Variants in BNC2 observed in about 807,000 individuals in gnomAD.
BNC2 encodes the protein zinc finger protein basonuclin-2.
BNC2 carries 20 observed loss-of-function variants against 76.3 expected under a neutral mutation model. The observed-to-expected ratio is 0.26, with a 90% CI of 0.18 to 0.38. BNC2 has a LOEUF of 0.38. Among genes scored for constraint, BNC2 ranks in the 10% least tolerant of loss-of-function variants. BNC2 has a pLI of 1.00. For missense variants in BNC2, 1,382 were observed against 1,399.8 expected (o/e 0.99, Z 0.20); for synonymous variants, 582 against 514.8 (o/e 1.13, Z -1.77).
chr9:16,614,053 T>A (rs553264241), intron 3 of BNC2, among the ~76,000 whole-genome samples: 50 of 152,262 alleles, frequency 3.3e-4, no homozygotes, highest in Middle Eastern at 3.4e-3. Context: ...GAAACAAGGC[T>A]CAAAACCAAA....
intron 1 of BNC2, chr9:16,832,444 C>T: frequency 1.6e-5 from 4 of 255,140 alleles, no homozygotes; most frequent in Non-Finnish European, 2.5e-5. Context: ...ACTTGATCTG[C>T]TTACTATCAT....
chr9:16,668,162 AGGAGACCTCACTG>A (rs574617584), intron 3 of BNC2, among the ~76,000 whole-genome samples: 15 of 152,300 alleles, frequency 9.8e-5, no homozygotes, highest in African/African-American at 2.2e-4. Context: ...TTCTAAAGGA[AGGAGACCTCACTG>A]GGAGACCTCA....
intron 5 of BNC2, among the ~76,000 whole-genome samples, chr9:16,504,346 T>A (rs1259845376): frequency 1.4e-5 from 2 of 141,596 alleles, no homozygotes; most frequent in African/African-American, 2.9e-5. Context: ...AATACATGTA[T>A]TCCAGAATCC....
chr9:16,456,368 G>C (rs1434315285), intron 5 of BNC2, among the ~76,000 whole-genome samples: 2 of 151,784 alleles, frequency 1.3e-5, no homozygotes, highest in Non-Finnish European at 2.9e-5. Context: ...TACCCCACTA[G>C]ATCAAAAAGG....
At chr9:16,569,203 C>A (rs115324989) in intron 4 of BNC2, among the ~76,000 whole-genome samples, 101 of 151,694 alleles carry the variant, frequency 6.7e-4, no homozygotes, top group African/African-American at 2.3e-3. Context: ...ATTACTATAC[C>A]TTATATACAT....
At chr9:16,740,578 C>G (rs1824815401) in intron 1 of BNC2, among the ~76,000 whole-genome samples, 1 of 152,092 alleles carries the variant, frequency 6.6e-6, no homozygotes, top group Non-Finnish European at 1.5e-5. Context: ...GACAAAGAAG[C>G]AGAAAAGATA....
At chr9:16,652,481 A>G (rs2133960766) in intron 3 of BNC2, among the ~76,000 whole-genome samples, 1 of 147,488 alleles carries the variant, frequency 6.8e-6, no homozygotes, top group East Asian at 1.9e-4. Flanking sequence ...TGTTATTTTT[A>G]TCTTCAGTGG....
At chr9:16,505,666 C>G (rs1822608554) in intron 5 of BNC2, among the ~76,000 whole-genome samples, 1 of 151,988 alleles carries the variant, frequency 6.6e-6, no homozygotes, top group South Asian at 2.1e-4. Context: ...AAAAGAGAAT[C>G]AGAAAGATTC....
rs192059497 is a variant in BNC2 at position 16,818,683 on chromosome 9, C to A, written c.3+51963G>T. 6.3e-4 allele frequency among the ~76,000 whole-genome samples: 95 copies of A among 151,812 alleles called. 1 individual carries two copies. The highest frequency in any genetic ancestry group is 2.2e-3 in the African/African-American group (89 of 41,146). ...TCTATGAATTTTAATGGAGAAGAGT[C>A]TGAACTAGTTTTTACTGTTGTTGTT... On this transcript the variant is annotated intron_variant, in intron 1 of 6. Transcript: ENST00000380672.
At chr9:16,561,431 A>G (rs1819011974) in intron 4 of BNC2, among the ~76,000 whole-genome samples, 1 of 152,184 alleles carries the variant, frequency 6.6e-6, no homozygotes. Context: ...ACTTCTCAGT[A>G]GAGTATGCCT....
At chr9:16,468,547 C>T (rs1257713045) in intron 5 of BNC2, among the ~76,000 whole-genome samples, 2 of 152,030 alleles carry the variant, frequency 1.3e-5, no homozygotes, top group Non-Finnish European at 2.9e-5. Context: ...AGGCGTGCAC[C>T]ACCACGCCTG....
chr9:16,550,663 C>A (rs763591945), intron 5 of BNC2, among the ~76,000 whole-genome samples: 1 of 152,178 alleles, frequency 6.6e-6, no homozygotes, highest in African/African-American at 2.4e-5. Flanking sequence ...ATGCTTGTGT[C>A]TCTGCGTAGG....
intron 3 of BNC2, among the ~76,000 whole-genome samples, chr9:16,659,079 A>G (rs1244684381): frequency 6.6e-6 from 1 of 152,180 alleles, no homozygotes; most frequent in African/African-American, 2.4e-5. Flanking sequence ...GAGGTACTCA[A>G]TAAATATTTG....
intron 1 of BNC2, among the ~76,000 whole-genome samples, chr9:16,772,169 T>G (rs182939211): frequency 6.6e-6 from 1 of 152,296 alleles, no homozygotes. Context: ...AATGAAAGGT[T>G]TCCAGGCTGA....
intron 1 of BNC2, among the ~76,000 whole-genome samples, chr9:16,847,514 C>T (rs1052368183): frequency 8.5e-6 from 1 of 117,160 alleles, no homozygotes; most frequent in Non-Finnish European, 1.7e-5. Flanking sequence ...AAAGAATTGA[C>T]CAAACACGTT....
At chr9:16,856,430 C>A (rs558287344) in intron 1 of BNC2, among the ~76,000 whole-genome samples, 1 of 152,190 alleles carries the variant, frequency 6.6e-6, no homozygotes, top group African/African-American at 2.4e-5. Context: ...ATTCTTGAAG[C>A]GAAAATATTT....
chr9:16,785,105 C>A (rs902758726), intron 1 of BNC2, among the ~76,000 whole-genome samples: 27 of 152,180 alleles, frequency 1.8e-4, no homozygotes, highest in African/African-American at 5.8e-4. Flanking sequence ...TGTGTTTGCA[C>A]TTTGTAGAAA....
At chr9:16,512,004 A>G (rs1822768501) in intron 5 of BNC2, among the ~76,000 whole-genome samples, 1 of 152,230 alleles carries the variant, frequency 6.6e-6, no homozygotes, top group South Asian at 2.1e-4. Context: ...ACAGAATCAA[A>G]AATTTATGTG....
At chr9:16,438,697 C>A (rs1821068056) in intron 5 of BNC2, among the ~76,000 whole-genome samples, 1 of 152,086 alleles carries the variant, frequency 6.6e-6, no homozygotes, top group African/African-American at 2.4e-5. Context: ...AGCAAAGAAT[C>A]TTCTTAAAAA....
Sources: allele counts gnomAD v4.1 joint callset (sites outside exome capture counted in the v4.1 genomes callset), GRCh38; gene constraint gnomAD v4.1.1; transcripts MANE v1.5; gene names NCBI Gene and HGNC (gene_info 2026-07-23, HGNC 2026-07-21).